The following DZIP1 variants were observed in gnomAD, a reference collection of about 807,000 sequenced individuals.
The protein encoded by DZIP1 is DAZ interacting zinc finger protein 1.
In DZIP1, 97 loss-of-function variants were observed where a neutral mutation model predicts 107.6. The ratio of observed to expected loss-of-function variants is 0.90; its 90% CI spans 0.77 to 1.07. The LOEUF (loss-of-function observed/expected upper bound fraction) is 1.07, where lower values mean the gene tolerates loss of function less well. Among genes scored for constraint, DZIP1 ranks in the 50% least tolerant of loss-of-function variants. The pLI is 0.00. For synonymous variants in DZIP1, 390 were observed against 386.4 expected, an observed-to-expected ratio of 1.01 and a Z score of -0.11; for missense variants, 1,035 against 1,063.6, an observed-to-expected ratio of 0.97 and a Z score of 0.37.
At chr13:95,598,509 G>T (rs1395739457) in intron 15 of DZIP1, among the ~76,000 whole-genome samples, 1 of 152,030 alleles carries the variant, frequency 6.6e-6, no homozygotes, top group Non-Finnish European at 1.5e-5. Flanking sequence ...AATGTCTAGA[G>T]AACAAGGGAA....
At chr13:95,633,440 T>C (rs1446205229) in intron 5 of DZIP1, 119 bp from the exon 6 acceptor site, 2 of 813,710 alleles carry the variant, frequency 2.5e-6, no homozygotes, top group Admixed American at 2.3e-5. Flanking sequence ...CCCAGCACTT[T>C]AGGAGGTCAA....
chr13:95,587,306 G>A (rs529446042), intron 20 of DZIP1, among the ~76,000 whole-genome samples: 1 of 152,260 alleles, frequency 6.6e-6, no homozygotes, highest in South Asian at 2.1e-4. Flanking sequence ...CCAGTTTATG[G>A]TACTGTTATA....
rs1219330026 is a variant in DZIP1, at chr13:95,606,043, C to A, written c.1437G>T (p.Leu479=). 2 of 1,613,756 alleles carry A rather than the reference C, an allele frequency of 1.2e-6. No homozygotes were observed. The highest frequency in any genetic ancestry group is 1.7e-6 in the Non-Finnish European group (2 of 1,179,902). The part of the protein sequence containing the change: ...APAVPMNAPA[L]HTLETKSSLP... ...GACTTGATTTAGTTTCCAAAGTGTG[C>A]AGGGCTGGGGCATTCACTGAAACAG... The change falls in exon 14 of 23, where the codon CTG becomes CTT. Residue 479 remains leucine (L), a synonymous_variant. Coordinates refer to ENST00000376829, the MANE Select transcript of DZIP1 (RefSeq NM_198968.4).
chr13:95,613,698 TA>T (rs1874675139), intron 10 of DZIP1, among the ~76,000 whole-genome samples: 1 of 152,204 alleles, frequency 6.6e-6, no homozygotes, highest in Non-Finnish European at 1.5e-5. Context: ...CATTGTGTAC[TA>T]GATGCACTTC....
At chr13:95,630,183 G>A in intron 6 of DZIP1, 70 bp from the exon 7 acceptor site, 5 of 1,495,766 alleles carry the variant, frequency 3.3e-6, no homozygotes, top group Non-Finnish European at 4.5e-6. Flanking sequence ...ATGGGGTACA[G>A]TCCTGTTGAT....
chr13:95,641,908 G>C lies in DZIP1; in HGVS notation c.37-53C>G. 1.4e-6 allele frequency: 2 copies of C among 1,455,690 alleles called. No homozygotes were observed. Among genetic ancestry groups the C allele is most frequent in the South Asian group, 2.9e-5 (2 of 69,116 alleles). The allele number at this position is 1,455,690 out of a possible 1,614,324, so 90.2% of individuals were successfully genotyped here. A position where few individuals can be genotyped will look rare whatever the true frequency, so the allele number is the denominator to read the frequency against. ...GGGAGGCGGGGATGGGGGGCGGGCA[G>C]GCTGGGGAGCTGGGGGTCCGGGGAA... is the stretch of plus-strand genomic sequence containing the variant. On this transcript the variant is annotated intron_variant, in intron 4 of 22. Coordinates refer to ENST00000376829, the MANE Select transcript of DZIP1 (RefSeq NM_198968.4). This position sits in a 1 kb window ranked among gnomAD's most constrained non-coding sequence, Gnocchi z 4.3.
chr13:95,611,994 C>T (rs189989961), intron 11 of DZIP1, 43 bp downstream of exon 11: 108 of 1,600,718 alleles, frequency 6.7e-5, no homozygotes, highest in Admixed American at 6.0e-4. Context: ...AGATAGACTG[C>T]GTTGCTTAAA....
intron 14 of DZIP1, among the ~76,000 whole-genome samples, chr13:95,604,194 T>C (rs995172623): frequency 1.3e-5 from 2 of 152,236 alleles, no homozygotes; most frequent in African/African-American, 4.8e-5. Flanking sequence ...ATCAGTCTGT[T>C]TCCCAGGGGA....
intron 22 of DZIP1, 152 bp from the exon 23 acceptor site, chr13:95,582,465 T>C (rs1038158242): frequency 1.4e-5 from 9 of 665,978 alleles, no homozygotes; most frequent in Non-Finnish European, 2.1e-5. Flanking sequence ...TCATGAGCTA[T>C]GTATAGGACG....
intron 6 of DZIP1, chr13:95,630,595 G>A (rs1877080643): frequency 1.7e-6 from 1 of 594,420 alleles, no homozygotes; most frequent in South Asian, 2.2e-5. Context: ...GAGGACTTGG[G>A]GGGCATTCAA....
rs1878616465 is a variant in DZIP1 at position 95,642,195 on chromosome 13, A to T, written c.-166T>A. The T allele has an allele frequency of 1.1e-6, 1 of 884,836 alleles. No homozygotes were observed. Among genetic ancestry groups the T allele is most frequent in the Admixed American group, 4.0e-5 (1 of 25,272 alleles). 54.8% of individuals were successfully genotyped at this position (884,836 alleles called of 1,614,324 possible). On this transcript the variant is annotated 5_prime_UTR_variant, in exon 4 of 23. Coordinates refer to ENST00000376829, the MANE Select transcript of DZIP1 (RefSeq NM_198968.4). ...TAGCAGCGCCCAGGTCCGGACCTGG[A>T]GCAAAGGGCGCGTCTGCCCGCGCAG... is the stretch of plus-strand genomic sequence containing the variant.
At chr13:95,626,754 A>G (rs186167248) in intron 7 of DZIP1, among the ~76,000 whole-genome samples, 81 of 152,366 alleles carry the variant, frequency 5.3e-4, no homozygotes, top group Non-Finnish European at 1.0e-3. Flanking sequence ...AGAAATTAAG[A>G]AAACAATTCC....
At chr13:95,592,592 T>C (rs1442432620) in intron 16 of DZIP1, among the ~76,000 whole-genome samples, 1 of 152,216 alleles carries the variant, frequency 6.6e-6, no homozygotes, top group Non-Finnish European at 1.5e-5. Context: ...GCTACTGTAC[T>C]AAACATATGC....
chr13:95,638,656 C>CACAT (rs1251904459), intron 5 of DZIP1, among the ~76,000 whole-genome samples: 1 of 151,768 alleles, frequency 6.6e-6, no homozygotes, highest in Non-Finnish European at 1.5e-5. Context: ...CACACACACA[C>CACAT]ACACACGCAC....
At chr13:95,618,944 C>G (rs958620962) in intron 10 of DZIP1, among the ~76,000 whole-genome samples, 1 of 152,160 alleles carries the variant, frequency 6.6e-6, no homozygotes, top group Non-Finnish European at 1.5e-5. Flanking sequence ...AGTGTAAACA[C>G]ATTTTAACAC....
intron 7 of DZIP1, among the ~76,000 whole-genome samples, chr13:95,625,486 T>C (rs1876420718): frequency 6.6e-6 from 1 of 152,192 alleles, no homozygotes; most frequent in South Asian, 2.1e-4. Flanking sequence ...TAGCAGAATA[T>C]ACATTCTTCT....
intron 13 of DZIP1, among the ~76,000 whole-genome samples, chr13:95,608,249 A>C (rs753754266): frequency 1.5e-4 from 23 of 152,132 alleles, no homozygotes; most frequent in Non-Finnish European, 2.4e-4. Context: ...TTCCCCCAGA[A>C]ATACACATAT....
Position 95,604,945 on chromosome 13 carries a change from T to C in DZIP1, c.1477+1058A>G, listed in dbSNP as rs538751128. On this transcript the variant is annotated intron_variant, in intron 14 of 22. Transcript: ENST00000376829. The stretch of plus-strand genomic sequence containing the variant: ...TGTCCAGTGTGCTTTTATCTGTTAC[T>C]GGTCTAAAGGAAAAAACTGCATGCT... Among the ~76,000 whole-genome samples the C allele has an allele frequency of 9.7e-4, 148 of 152,340 alleles. 1 individual carries two copies. Among genetic ancestry groups the C allele is most frequent in the African/African-American group, 3.3e-3 (137 of 41,580 alleles).
chr13:95,591,631 T>C (rs2044315600), intron 16 of DZIP1, among the ~76,000 whole-genome samples: 1 of 152,152 alleles, frequency 6.6e-6, no homozygotes, highest in Non-Finnish European at 1.5e-5. Flanking sequence ...ATCAACCCCC[T>C]CCTCTACTTT....
Sources: gnomAD v4.1 joint callset for allele counts (sites outside exome capture counted in the v4.1 genomes callset) on GRCh38, gnomAD v4.1.1 for gene constraint, Gnocchi (gnomAD v3.1) non-coding constraint, MANE v1.5 for transcripts, NCBI Gene and HGNC (gene_info 2026-07-23, HGNC 2026-07-21) for gene names.